Variants in MSI2 observed in about 807,000 individuals in gnomAD.
MSI2 encodes the protein RNA-binding protein Musashi homolog 2.
A neutral mutation model predicts 45.6 loss-of-function variants in MSI2; 17 were observed. The observed-to-expected ratio is 0.37, with a 90% confidence interval of 0.26 to 0.56. The LOEUF (loss-of-function observed/expected upper bound fraction) is 0.56, where lower values mean the gene tolerates loss of function less well. Ranked by LOEUF, MSI2 falls within the 20% of genes least tolerant of loss-of-function variation. MSI2 has a pLI of 0.77. For synonymous variants in MSI2, 156 were observed against 158.2 expected (o/e 0.99, Z 0.11); for missense variants, 293 against 444.2 (o/e 0.66, Z 3.06).
chr17:57,509,638 C>T (rs1463004061), intron 6 of MSI2, among the ~76,000 whole-genome samples: 1 of 152,112 alleles, frequency 6.6e-6, no homozygotes. Context: ...CCAGGCTGGT[C>T]TCGAACACCT....
Position 57,684,020 on chromosome 17 carries a change from G to A in MSI2, c.*4503G>A. ...CCTCTTGTCGGGGACCTGCAGGGGGGCAACCTTAATCCAAACACCTGGCTA... is the reference window on the plus strand; with the variant it reads ...CCTCTTGTCGGGGACCTGCAGGGGGACAACCTTAATCCAAACACCTGGCTA... On this transcript the variant is annotated 3_prime_UTR_variant, in exon 14 of 14. Coordinates refer to ENST00000284073, the MANE Select transcript of MSI2 (RefSeq NM_138962.4). 4.4e-6 allele frequency: 1 copy of A among 227,262 alleles called. No homozygotes were observed. Among genetic ancestry groups the A allele is most frequent in the Non-Finnish European group, 8.7e-6 (1 of 114,392 alleles). The allele number at this position is 227,262 out of a possible 1,614,324, so 14.1% of individuals were successfully genotyped here.
At chr17:57,533,079 A>G (rs1240612649) in intron 7 of MSI2, among the ~76,000 whole-genome samples, 1 of 152,216 alleles carries the variant, frequency 6.6e-6, no homozygotes, top group African/African-American at 2.4e-5. Context: ...TAGGAGCCAC[A>G]GGTCAGGGCA....
chr17:57,538,287 T>A (rs2086965629), intron 7 of MSI2, among the ~76,000 whole-genome samples: 1 of 152,152 alleles, frequency 6.6e-6, no homozygotes, highest in South Asian at 2.1e-4. Flanking sequence ...CGTTGGGACT[T>A]AAGGTTCCTA....
chr17:57,414,196 C>G (rs2143225491), intron 6 of MSI2, among the ~76,000 whole-genome samples: 1 of 152,168 alleles, frequency 6.6e-6, no homozygotes, highest in South Asian at 2.1e-4. Context: ...TATGTGTAGT[C>G]TCTTTGCCTT....
At chr17:57,605,459 T>C (rs1168245942) in intron 8 of MSI2, among the ~76,000 whole-genome samples, 1 of 152,166 alleles carries the variant, frequency 6.6e-6, no homozygotes, top group African/African-American at 2.4e-5. Context: ...CCTCAGTATC[T>C]CAGCACCCAG....
chr17:57,585,661 T>A (rs2144391908), intron 7 of MSI2, among the ~76,000 whole-genome samples: 1 of 152,318 alleles, frequency 6.6e-6, no homozygotes, highest in East Asian at 1.9e-4. Flanking sequence ...GGTGACAAAT[T>A]TGAAACCCAC....
intron 5 of MSI2, among the ~76,000 whole-genome samples, chr17:57,357,664 A>G (rs1022582720): frequency 1.3e-5 from 2 of 152,196 alleles, no homozygotes; most frequent in African/African-American, 4.8e-5. Flanking sequence ...TCCTGTTCAC[A>G]TAAAGGTGAA....
chr17:57,447,883 A>G (rs1478359182), intron 6 of MSI2, among the ~76,000 whole-genome samples: 1 of 152,148 alleles, frequency 6.6e-6, no homozygotes, highest in Non-Finnish European at 1.5e-5. Context: ...AGGAGTGGGG[A>G]TAGAGATGAG....
At chr17:57,488,656 CTACAAAAAA>C (rs1470216762) in intron 6 of MSI2, among the ~76,000 whole-genome samples, 1 of 152,066 alleles carries the variant, frequency 6.6e-6, no homozygotes, top group African/African-American at 2.4e-5. Context: ...AACCCCATTT[CTACAAAAAA>C]TACAAAAAAT....
chr17:57,375,051 T>A (rs1488444767), intron 5 of MSI2, among the ~76,000 whole-genome samples: 2 of 152,180 alleles, frequency 1.3e-5, no homozygotes, highest in African/African-American at 2.4e-5. Flanking sequence ...GGCGGCTGAG[T>A]GCTTGGTGTT....
intron 7 of MSI2, among the ~76,000 whole-genome samples, chr17:57,588,394 A>G (rs79216841): frequency 0.035 from 5,362 of 152,280 alleles, 118 homozygotes; most frequent in Non-Finnish European, 0.053. Flanking sequence ...GACTCATTTG[A>G]GAGCCAGTTT....
intron 11 of MSI2, among the ~76,000 whole-genome samples, chr17:57,657,011 C>G (rs1397239542): frequency 7.2e-5 from 11 of 152,142 alleles, no homozygotes; most frequent in Admixed American, 3.3e-4. Flanking sequence ...GGTGGCTCTG[C>G]CCAGTGCTGC....
At chr17:57,674,854 C>A (rs755085337) in intron 11 of MSI2, 118 bp from the exon 12 acceptor site, 4 of 1,445,368 alleles carry the variant, frequency 2.8e-6, no homozygotes, top group Non-Finnish European at 2.8e-6. Flanking sequence ...AAGTGTTTGG[C>A]TTGTAATGAC....
chr17:57,529,749 G>A lies in MSI2; in HGVS notation c.454+25G>A, dbSNP rs776582298. The A allele has an allele frequency of 6.2e-7, 1 of 1,602,584 alleles. No homozygotes were observed. Among genetic ancestry groups the A allele is most frequent in the Non-Finnish European group, 8.5e-7 (1 of 1,174,052 alleles). On this transcript the variant is annotated intron_variant, in intron 7 of 13. Coordinates refer to ENST00000284073, the MANE Select transcript of MSI2 (RefSeq NM_138962.4). This position sits in a 1 kb window ranked among gnomAD's most constrained non-coding sequence, Gnocchi z 5.3. ...GGTAAGATTACCCCAGTGTAAGAGG[G>A]TTGCGTTCACCCTCTCCTGGCCTCT...
chr17:57,550,299 G>T lies in MSI2; in HGVS notation c.454+20575G>T, dbSNP rs150490613. ...CTAGCCTGGGGAGGACAGCATCCCA[G>T]GCGACCTTCAGGATCAGTGCAAGCA... On this transcript the variant is annotated intron_variant, in intron 7 of 13. Coordinates refer to ENST00000284073, the MANE Select transcript of MSI2 (RefSeq NM_138962.4). Among the ~76,000 whole-genome samples, 815 of 152,254 alleles carry T rather than the reference G, an allele frequency of 5.4e-3. 2 individuals carry two copies. Among genetic ancestry groups the T allele is most frequent in the Middle Eastern group, 0.027 (8 of 292 alleles).
chr17:57,394,958 T>G (rs2144102567), intron 5 of MSI2, among the ~76,000 whole-genome samples: 1 of 152,362 alleles, frequency 6.6e-6, no homozygotes, highest in South Asian at 2.1e-4. Context: ...ATATAGTCTT[T>G]CATAGTTCAA....
intron 7 of MSI2, among the ~76,000 whole-genome samples, chr17:57,542,259 C>T (rs764832412): frequency 1.3e-5 from 2 of 152,186 alleles, no homozygotes; most frequent in Non-Finnish European, 1.5e-5. Context: ...AACACTGTTG[C>T]ACAATAAAGC....
intron 5 of MSI2, among the ~76,000 whole-genome samples, chr17:57,371,959 A>C (rs987872916): frequency 1.1e-4 from 17 of 151,478 alleles, no homozygotes; most frequent in Non-Finnish European, 1.6e-4. Flanking sequence ...ATATATACTT[A>C]TATATAATCT....
rs571054506 is a variant in MSI2, at chr17:57,291,972, C to T, written c.312+29780C>T. Among the ~76,000 whole-genome samples, 12 of 152,186 alleles carry T rather than the reference C, an allele frequency of 7.9e-5. No homozygotes were observed. The East Asian group carries it at 2.3e-3, about 29-fold the overall frequency. On this transcript the variant is annotated intron_variant, in intron 5 of 13. Transcript: ENST00000284073. ...CATGGAGTGAACTCACTGATTGAGC[C>T]TTTACCATGGGCAGAGTGCTGTGCT...
Sources: allele counts gnomAD v4.1 joint callset (sites outside exome capture counted in the v4.1 genomes callset), GRCh38; gene constraint gnomAD v4.1.1; non-coding constraint Gnocchi (gnomAD v3.1); transcripts MANE v1.5; gene names NCBI Gene and HGNC (gene_info 2026-07-23, HGNC 2026-07-21).